The following CADM2 variants were observed in gnomAD, a reference collection of about 807,000 sequenced individuals.
CADM2 encodes the protein immunoglobulin superfamily member 4D.
In CADM2, 12 loss-of-function variants were observed where a neutral mutation model predicts 49.8. The observed-to-expected ratio is 0.24, with a 90% CI of 0.15 to 0.39. The LOEUF (loss-of-function observed/expected upper bound fraction) is 0.39. Ranked by LOEUF, CADM2 falls within the 10% of genes least tolerant of loss-of-function variation. The pLI is 1.00. For synonymous variants in CADM2, 214 were observed against 175.4 expected, an observed-to-expected ratio of 1.22 and a Z score of -1.74; for missense variants, 378 against 492.3, an observed-to-expected ratio of 0.77 and a Z score of 2.20.
At chr3:85,932,015 G>A (rs1720665332) in intron 6 of CADM2, among the ~76,000 whole-genome samples, 1 of 151,482 alleles carries the variant, frequency 6.6e-6, no homozygotes, top group Non-Finnish European at 1.5e-5. Flanking sequence ...GTTTTGAGAA[G>A]ACAATTTTGT....
intron 1 of CADM2, among the ~76,000 whole-genome samples, chr3:85,567,764 G>A (rs2062310876): frequency 6.6e-6 from 1 of 152,168 alleles, no homozygotes; most frequent in Non-Finnish European, 1.5e-5. Context: ...CAAGAAACAA[G>A]GAGGCTGGTA....
intron 8 of CADM2, chr3:86,013,996 A>T: frequency 6.9e-7 from 1 of 1,444,834 alleles, no homozygotes; most frequent in South Asian, 1.4e-5. Flanking sequence ...ACAATTGAAG[A>T]AGTTTGTTCT....
chr3:85,035,891 T>C (rs138279181), intron 1 of CADM2, among the ~76,000 whole-genome samples: 1 of 152,214 alleles, frequency 6.6e-6, no homozygotes, highest in Non-Finnish European at 1.5e-5. Context: ...CAGGAAAATA[T>C]CTATTCATTG....
At chr3:85,651,927 C>T (rs2107583715) in intron 1 of CADM2, among the ~76,000 whole-genome samples, 1 of 150,568 alleles carries the variant, frequency 6.6e-6, no homozygotes. Context: ...ACGCCATTCT[C>T]TTGCCTTAGC....
At chr3:85,295,834 G>A (rs929652598) in intron 1 of CADM2, among the ~76,000 whole-genome samples, 4 of 151,812 alleles carry the variant, frequency 2.6e-5, no homozygotes, top group Non-Finnish European at 5.9e-5. Flanking sequence ...GCTAGATGAC[G>A]AGTTAGTGGG....
chr3:85,061,229 C>A (rs562585417), intron 1 of CADM2, among the ~76,000 whole-genome samples: 1 of 152,114 alleles, frequency 6.6e-6, no homozygotes, highest in African/African-American at 2.4e-5. Flanking sequence ...TGAAAATATA[C>A]CCTTGTCAAT....
chr3:85,486,702 A>G (rs879370486), intron 1 of CADM2, among the ~76,000 whole-genome samples: 8 of 102,800 alleles, frequency 7.8e-5, no homozygotes, highest in Non-Finnish European at 1.2e-4. Context: ...AGGGAGACCA[A>G]TTGGAATGTG....
intron 1 of CADM2, among the ~76,000 whole-genome samples, chr3:85,228,794 A>G (rs2042218198): frequency 6.6e-6 from 1 of 152,218 alleles, no homozygotes; most frequent in East Asian, 2.0e-4. Flanking sequence ...CAGTCTACAC[A>G]GGGGTCAGGG....
rs533520091 is a variant in CADM2 at position 85,365,133 on chromosome 3, A to T, written c.62-361389A>T. ...TTGTATGATGAAGGTTTTTCTATTTAAAAAAATTATACTACCTAGACATTC... is the reference window on the plus strand; with the variant it reads ...TTGTATGATGAAGGTTTTTCTATTTTAAAAAATTATACTACCTAGACATTC... On this transcript the variant is annotated intron_variant, in intron 1 of 9. Transcript: ENST00000383699. Among the ~76,000 whole-genome samples, 432 of 151,620 alleles carry T rather than the reference A, an allele frequency of 2.8e-3. 3 individuals carry two copies. The highest frequency in any genetic ancestry group is 0.01 in the African/African-American group (414 of 41,360).
chr3:85,334,765 TACTG>T (rs2045031124), intron 1 of CADM2, among the ~76,000 whole-genome samples: 1 of 151,584 alleles, frequency 6.6e-6, no homozygotes, highest in South Asian at 2.1e-4. Context: ...GAATTTTGAT[TACTG>T]ACTTAGTTTC....
intron 1 of CADM2, among the ~76,000 whole-genome samples, chr3:85,590,172 A>G (rs2063064745): frequency 6.6e-6 from 1 of 151,996 alleles, no homozygotes; most frequent in African/African-American, 2.4e-5. Flanking sequence ...AACACTTTTT[A>G]GAACAAATAG....
At chr3:85,009,695 G>A (rs144743839) in intron 1 of CADM2, among the ~76,000 whole-genome samples, 267 of 151,876 alleles carry the variant, frequency 1.8e-3, no homozygotes, top group African/African-American at 5.9e-3. Context: ...GTGAAACCCC[G>A]TTTCTACTAA....
chr3:85,828,689 G>T (rs1275944843), intron 3 of CADM2, among the ~76,000 whole-genome samples: 2 of 151,702 alleles, frequency 1.3e-5, no homozygotes, highest in African/African-American at 4.8e-5. Context: ...CATTGATGTT[G>T]TTCTTTCAGC....
At chr3:85,526,957 T>A (rs1345596144) in intron 1 of CADM2, among the ~76,000 whole-genome samples, 1 of 152,208 alleles carries the variant, frequency 6.6e-6, no homozygotes, top group Non-Finnish European at 1.5e-5. Context: ...TTTTTAACGC[T>A]CTTTCTGCAG....
chr3:85,295,753 A>G (rs909747268), intron 1 of CADM2, among the ~76,000 whole-genome samples: 24 of 152,176 alleles, frequency 1.6e-4, no homozygotes, highest in African/African-American at 5.8e-4. Flanking sequence ...CAGGAAGGGG[A>G]ATATCACACT....
chr3:86,000,604 G>A (rs1352561000), intron 8 of CADM2, among the ~76,000 whole-genome samples: 1 of 151,980 alleles, frequency 6.6e-6, no homozygotes, highest in Non-Finnish European at 1.5e-5. Flanking sequence ...GTGAAGTTGG[G>A]GAGTGGAGAG....
intron 1 of CADM2, among the ~76,000 whole-genome samples, chr3:85,415,603 T>C (rs1292196123): frequency 6.6e-6 from 1 of 152,166 alleles, no homozygotes; most frequent in Non-Finnish European, 1.5e-5. Flanking sequence ...TTAGCAGTAG[T>C]ATACTTGAAA....
chr3:84,979,269 T>G (rs879865540), intron 1 of CADM2, among the ~76,000 whole-genome samples: 1 of 152,220 alleles, frequency 6.6e-6, no homozygotes, highest in Non-Finnish European at 1.5e-5. Flanking sequence ...GCACAATTCT[T>G]TCATGTGCTT....
intron 1 of CADM2, among the ~76,000 whole-genome samples, chr3:85,478,849 T>A (rs1268845557): frequency 6.6e-6 from 1 of 151,960 alleles, no homozygotes; most frequent in African/African-American, 2.4e-5. Flanking sequence ...TATGAAACAC[T>A]TCCAATGTGG....
Sources: allele counts gnomAD v4.1 joint callset (sites outside exome capture counted in the v4.1 genomes callset), GRCh38; gene constraint gnomAD v4.1.1; transcripts MANE v1.5; gene names NCBI Gene and HGNC (gene_info 2026-07-23, HGNC 2026-07-21).